Variants in CUX1 observed in about 807,000 individuals in gnomAD.
CUX1 encodes the protein protein CASP.
CUX1 carries 31 observed loss-of-function variants against 158.8 expected under a neutral mutation model. The ratio of observed to expected loss-of-function variants is 0.20; its 90% CI spans 0.15 to 0.26. The LOEUF (loss-of-function observed/expected upper bound fraction) is 0.26, where lower values mean the gene tolerates loss of function less well. CUX1 is among the 10% of genes least tolerant of loss of function. The pLI, the probability that CUX1 is intolerant of heterozygous loss-of-function variation, is 1.00. For synonymous variants in CUX1, 879 were observed against 862.1 expected, an observed-to-expected ratio of 1.02 and a Z score of -0.34; for missense variants, 1,589 against 2,014.6, an observed-to-expected ratio of 0.79 and a Z score of 4.04.
chr7:102,274,002 C>G (rs974852450), intron 15 of CUX1, among the ~76,000 whole-genome samples: 2 of 152,224 alleles, frequency 1.3e-5, no homozygotes, highest in African/African-American at 2.4e-5. Context: ...TGAGTGGCTG[C>G]GAGGAGAGCT....
downstream of CUX1, among the ~76,000 whole-genome samples, chr7:102,262,305 GGA>G (rs1225512300): frequency 1.3e-5 from 2 of 152,158 alleles, no homozygotes; most frequent in African/African-American, 4.8e-5. Context: ...GGCTGAGGCA[GGA>G]GAATCGCTTG....
chr7:101,905,228 A>G (rs1455895642), intron 1 of CUX1, among the ~76,000 whole-genome samples: 1 of 152,156 alleles, frequency 6.6e-6, no homozygotes, highest in Non-Finnish European at 1.5e-5. Flanking sequence ...ATTTTGGTGG[A>G]AAATGTGACC....
chr7:101,828,961 G>A (rs1793689358), intron 1 of CUX1, among the ~76,000 whole-genome samples: 2 of 151,838 alleles, frequency 1.3e-5, no homozygotes, highest in East Asian at 3.9e-4. Context: ...TGGAGGTTTT[G>A]GGGGGCTGGT....
chr7:101,907,368 G>C (rs2131819335), intron 1 of CUX1, among the ~76,000 whole-genome samples: 1 of 151,820 alleles, frequency 6.6e-6, no homozygotes, highest in South Asian at 2.1e-4. Context: ...TATTTTTTGA[G>C]ACCAGAGTCT....
intron 8 of CUX1, among the ~76,000 whole-genome samples, chr7:102,137,030 C>T (rs1250165230): frequency 1.3e-4 from 20 of 152,300 alleles, no homozygotes; most frequent in African/African-American, 4.1e-4. Flanking sequence ...TTGGGGAGCA[C>T]GGGACTGCAT....
At chr7:101,990,042 T>C (rs547891513) in intron 2 of CUX1, among the ~76,000 whole-genome samples, 2 of 152,322 alleles carry the variant, frequency 1.3e-5, no homozygotes, top group African/African-American at 4.8e-5. Context: ...AAAGGTTTCA[T>C]GTCAGAATAG....
chr7:102,276,366 A>G (rs1791607579), intron 17 of CUX1, among the ~76,000 whole-genome samples: 2 of 152,152 alleles, frequency 1.3e-5, no homozygotes, highest in African/African-American at 4.8e-5. Flanking sequence ...CAGTGGCACA[A>G]TCCTGGCTCA....
At chr7:102,120,638 T>C (rs540011754) in intron 8 of CUX1, among the ~76,000 whole-genome samples, 1 of 152,384 alleles carries the variant, frequency 6.6e-6, no homozygotes, top group South Asian at 2.1e-4. Context: ...ACCAGTACTT[T>C]ATCACAAAAT....
intron 18 of CUX1, among the ~76,000 whole-genome samples, chr7:102,279,720 C>G (rs1408874667): frequency 6.6e-6 from 1 of 152,160 alleles, no homozygotes; most frequent in Non-Finnish European, 1.5e-5. Flanking sequence ...CCTGCCTGCT[C>G]GCATGACCAC....
intron 1 of CUX1, among the ~76,000 whole-genome samples, chr7:101,883,582 C>T (rs149073969): frequency 1.2e-4 from 16 of 132,450 alleles, no homozygotes; most frequent in African/African-American, 3.9e-4. Flanking sequence ...TTTTCTTTTT[C>T]TTTAATTTTT....
rs1554546751 is a variant in CUX1 at position 102,273,385 on chromosome 7, A to G, written c.1275A>G (p.Gln425=). The G allele has an allele frequency of 1.9e-6, 3 of 1,612,450 alleles. No homozygotes were observed. In the South Asian group the frequency reaches 3.3e-5, roughly 18 times the overall value. Residue 425 remains glutamine (Q), a synonymous_variant, in exon 15 of 23, where the codon CAA becomes CAG. Transcript: ENST00000292538. ...CCACAGGACGCTGTGCGGAGCTGCA[A>G]GTCCGTATCACTGAGGCTGTGGCCA...
chr7:102,138,813 C>T (rs540061553), intron 8 of CUX1, among the ~76,000 whole-genome samples: 2 of 152,258 alleles, frequency 1.3e-5, no homozygotes, highest in East Asian at 1.9e-4. Context: ...TATTCCCTAG[C>T]ATATGGTAAA....
intron 3 of CUX1, among the ~76,000 whole-genome samples, chr7:102,031,947 G>A (rs1820835845): frequency 6.9e-6 from 1 of 145,186 alleles, no homozygotes; most frequent in Admixed American, 6.9e-5. Context: ...TTTTTGAGAT[G>A]GGGTCTGGCT....
intron 4 of CUX1, among the ~76,000 whole-genome samples, chr7:102,076,272 C>A (rs1044205045): frequency 2.6e-5 from 4 of 152,062 alleles, no homozygotes; most frequent in Non-Finnish European, 5.9e-5. Context: ...GTAATCCCAG[C>A]TACTTGGGAG....
intron 3 of CUX1, among the ~76,000 whole-genome samples, chr7:102,034,660 G>A (rs1821202001): frequency 6.6e-6 from 1 of 151,036 alleles, no homozygotes; most frequent in Non-Finnish European, 1.5e-5. Flanking sequence ...GGCTGAGGCA[G>A]GAGAATCACT....
chr7:101,886,743 G>T (rs574792513), intron 1 of CUX1, among the ~76,000 whole-genome samples: 1 of 152,156 alleles, frequency 6.6e-6, no homozygotes, highest in African/African-American at 2.4e-5. Flanking sequence ...AGCAGGGACC[G>T]CAGGCACAAG....
chr7:101,831,781 G>A lies in CUX1; in HGVS notation c.30+14112G>A, dbSNP rs549874374. On this transcript the variant is annotated intron_variant, in intron 1 of 23. Coordinates refer to ENST00000292535, the MANE Select transcript of CUX1 (RefSeq NM_181552.4). ...TTTAGAGACAGAGTCTCGCTCTGTC[G>A]CCCAGGCTCCAGTACAGTGGTGTGA... 1.3e-4 allele frequency among the ~76,000 whole-genome samples: 19 copies of A among 148,616 alleles called. 1 individual carries two copies. The South Asian group carries it at 4.1e-3, about 32-fold the overall frequency.
chr7:101,855,055 A>G (rs749888811), intron 1 of CUX1, among the ~76,000 whole-genome samples: 47 of 152,190 alleles, frequency 3.1e-4, no homozygotes, highest in Non-Finnish European at 2.8e-4. Flanking sequence ...TTGGATTGCA[A>G]TGCCCCACAA....
Position 102,205,186 on chromosome 7 carries a change from C to T in CUX1, c.3130+16C>T. On this transcript the variant is annotated intron_variant, in intron 20 of 23. Transcript: ENST00000292535. Reference sequence around the variant, plus strand: ...GTGAGCTCAGGTAAGCAGCCAGTTTCTGTTGCTTTTGCATGAAATGTCTCA... The same window carrying T: ...GTGAGCTCAGGTAAGCAGCCAGTTTTTGTTGCTTTTGCATGAAATGTCTCA... 2 of 1,596,562 alleles carry T rather than the reference C, an allele frequency of 1.3e-6. No individual in the cohort carries two copies. Among genetic ancestry groups the T allele is most frequent in the African/African-American group, 1.3e-5 (1 of 74,684 alleles).
Sources: allele counts gnomAD v4.1 joint callset (sites outside exome capture counted in the v4.1 genomes callset), GRCh38; gene constraint gnomAD v4.1.1; transcripts MANE v1.5; gene names NCBI Gene and HGNC (gene_info 2026-07-23, HGNC 2026-07-21).